MAGI2: variants seen among roughly 807,000 people sequenced by gnomAD.
MAGI2 encodes the protein membrane associated guanylate kinase, WW and PDZ domain containing 2.
In MAGI2, 35 loss-of-function variants were observed where a neutral mutation model predicts 133.3. The observed-to-expected ratio is 0.26, with a 90% CI of 0.20 to 0.35. MAGI2 has a LOEUF of 0.35. Ranked by LOEUF, MAGI2 falls within the 10% of genes least tolerant of loss-of-function variation. The pLI, the probability that MAGI2 is intolerant of heterozygous loss-of-function variation, is 1.00. For missense variants in MAGI2, 1,636 were observed against 1,863.4 expected, an observed-to-expected ratio of 0.88 and a Z score of 2.25; for synonymous variants, 729 against 710.6, an observed-to-expected ratio of 1.03 and a Z score of -0.41.
At chr7:78,319,662 A>G (rs1350618113) in intron 9 of MAGI2, among the ~76,000 whole-genome samples, 2 of 152,252 alleles carry the variant, frequency 1.3e-5, no homozygotes, top group Non-Finnish European at 2.9e-5. Context: ...CTAAATGCCC[A>G]CAAGAGAAAG....
intron 21 of MAGI2, among the ~76,000 whole-genome samples, chr7:78,029,361 T>C (rs902182442): frequency 5.9e-5 from 9 of 152,252 alleles, no homozygotes; most frequent in Admixed American, 2.0e-4. Flanking sequence ...GGTTCATTTA[T>C]TTCAAGCATG....
chr7:79,229,772 T>C (rs1378578068), intron 1 of MAGI2, among the ~76,000 whole-genome samples: 5 of 151,862 alleles, frequency 3.3e-5, no homozygotes, highest in African/African-American at 1.2e-4. Context: ...AAAATATTCT[T>C]TTTTTTTAAG....
At chr7:78,688,595 A>G (rs186201547) in intron 2 of MAGI2, among the ~76,000 whole-genome samples, 87 of 152,282 alleles carry the variant, frequency 5.7e-4, no homozygotes, top group African/African-American at 1.9e-3. Flanking sequence ...AATTCACTTA[A>G]TCCTTGTGGT....
chr7:78,069,823 C>A (rs1444906826), intron 21 of MAGI2, among the ~76,000 whole-genome samples: 2 of 151,900 alleles, frequency 1.3e-5, no homozygotes, highest in South Asian at 4.2e-4. Flanking sequence ...GAAAGCAGCC[C>A]TCTTGCGGGA....
intron 2 of MAGI2, among the ~76,000 whole-genome samples, chr7:78,769,544 AACC>A (rs1316018905): frequency 7.9e-5 from 12 of 152,156 alleles, no homozygotes; most frequent in African/African-American, 2.9e-4. Flanking sequence ...AACTGAAAGG[AACC>A]ACAAGTCAGT....
chr7:79,396,203 G>T (rs1475966719), intron 1 of MAGI2, among the ~76,000 whole-genome samples: 1 of 152,042 alleles, frequency 6.6e-6, no homozygotes, highest in African/African-American at 2.4e-5. Context: ...CCAGCCATAG[G>T]ACTTGTTCTC....
At chr7:78,449,661 C>T (rs546023233) in intron 6 of MAGI2, among the ~76,000 whole-genome samples, 4 of 152,096 alleles carry the variant, frequency 2.6e-5, no homozygotes, top group South Asian at 2.1e-4. Context: ...TATCTGAACG[C>T]GTGTGGCTTC....
chr7:79,233,235 AGGTGT>A (rs1182690688), intron 1 of MAGI2, among the ~76,000 whole-genome samples: 2 of 136,068 alleles, frequency 1.5e-5, no homozygotes, highest in African/African-American at 5.5e-5. Context: ...ATTTTAGAAT[AGGTGT>A]GGTGTGGTGC....
chr7:78,192,598 A>G (rs1316762704), intron 12 of MAGI2, among the ~76,000 whole-genome samples: 1 of 151,596 alleles, frequency 6.6e-6, no homozygotes, highest in Admixed American at 6.6e-5. Flanking sequence ...GAGACTAGAG[A>G]AAGTGGCGCC....
intron 2 of MAGI2, among the ~76,000 whole-genome samples, chr7:78,913,164 G>A (rs866970734): frequency 5.3e-5 from 8 of 152,028 alleles, no homozygotes; most frequent in Non-Finnish European, 1.0e-4. Flanking sequence ...AATTGATATG[G>A]TTTGGCTCTG....
chr7:78,594,815 G>C (rs1685674400), intron 3 of MAGI2, among the ~76,000 whole-genome samples: 1 of 152,104 alleles, frequency 6.6e-6, no homozygotes, highest in Non-Finnish European at 1.5e-5. Flanking sequence ...GGGGGCTAAA[G>C]GAGCTCCCCA....
intron 3 of MAGI2, among the ~76,000 whole-genome samples, chr7:78,535,697 G>A (rs1340523628): frequency 1.3e-5 from 2 of 151,992 alleles, no homozygotes; most frequent in African/African-American, 4.8e-5. Flanking sequence ...TCTTGCCTGG[G>A]GAGTAGACTG....
intron 2 of MAGI2, among the ~76,000 whole-genome samples, chr7:78,994,796 A>G (rs1292286425): frequency 1.3e-5 from 2 of 152,134 alleles, no homozygotes; most frequent in Non-Finnish European, 2.9e-5. Flanking sequence ...ACATGATAAT[A>G]CTTGCACGTA....
chr7:78,259,101 C>T (rs535124417), intron 9 of MAGI2, among the ~76,000 whole-genome samples: 3 of 152,274 alleles, frequency 2.0e-5, no homozygotes, highest in African/African-American at 7.2e-5. Flanking sequence ...ATTTGCATTT[C>T]CCAGACTGCC....
intron 2 of MAGI2, among the ~76,000 whole-genome samples, chr7:78,650,223 T>C (rs749099487): frequency 1.3e-5 from 2 of 152,200 alleles, no homozygotes; most frequent in Non-Finnish European, 2.9e-5. Context: ...ACAAAGAAAG[T>C]AACTCACAAA....
Position 78,460,941 on chromosome 7 carries a change from A to AAC in MAGI2, c.1045+28818_1045+28819dup, listed in dbSNP as rs5885065. On this transcript the variant is annotated intron_variant, in intron 6 of 21. Transcript: ENST00000354212. ...ATTGGAGTCAATAAGGATCTGGTAA[A>AAC]ACACACACACACACACACACACTCT... Among the ~76,000 whole-genome samples, 1,497 of 150,356 alleles carry AAC rather than the reference A, an allele frequency of 1.0e-2. 19 individuals are homozygous for AAC. Among genetic ancestry groups the AAC allele is most frequent in the African/African-American group, 0.027 (1,111 of 40,958 alleles).
At chr7:79,279,022 G>T (rs934879133) in intron 1 of MAGI2, among the ~76,000 whole-genome samples, 31 of 152,106 alleles carry the variant, frequency 2.0e-4, no homozygotes, top group African/African-American at 7.2e-4. Flanking sequence ...ACTAGCAAAG[G>T]TCCCCCAGCT....
At position 79,239,455 on chromosome 7, in the gene MAGI2, A is replaced by G. The variant is rs578095511; in HGVS notation, c.301+213565T>C. 9.8e-5 allele frequency among the ~76,000 whole-genome samples: 15 copies of G among 152,328 alleles called. No individual in the cohort carries two copies. The South Asian group carries it at 2.5e-3, about 25-fold the overall frequency. On this transcript the variant is annotated intron_variant, in intron 1 of 21. Transcript: ENST00000354212. ...CACTGATCAATGGTTTCAACAACTC[A>G]TCTTTTCATTCATTTATCAAAACTT...
chr7:78,320,236 A>G lies in MAGI2; in HGVS notation c.1408+23542T>C, dbSNP rs1316962463. Among the ~76,000 whole-genome samples the G allele has an allele frequency of 3.3e-5, 5 of 152,206 alleles. No individual in the cohort carries two copies. In the East Asian group the frequency reaches 9.6e-4, roughly 29 times the overall value. ...ATTCCTTCTGAAACTATCCCAAACAATAGAAAAAGAAGGAATCCTTCTTTA... is the reference window on the plus strand; with the variant it reads ...ATTCCTTCTGAAACTATCCCAAACAGTAGAAAAAGAAGGAATCCTTCTTTA... On this transcript the variant is annotated intron_variant, in intron 9 of 21. Transcript: ENST00000354212.
Sources: gnomAD v4.1 joint callset for allele counts (sites outside exome capture counted in the v4.1 genomes callset) on GRCh38, gnomAD v4.1.1 for gene constraint, MANE v1.5 for transcripts, NCBI Gene and HGNC (gene_info 2026-07-23, HGNC 2026-07-21) for gene names.